The following SPAG16 variants were observed in gnomAD, a reference collection of about 807,000 sequenced individuals.
SPAG16 encodes sperm associated antigen 16, also known as sperm-associated antigen 16 protein.
A neutral mutation model predicts 80.4 loss-of-function variants in SPAG16; 86 were observed. That is an observed-to-expected ratio of 1.07 (90% CI 0.90 to 1.28). The LOEUF is 1.28. Ranked by LOEUF, SPAG16 falls within the 50% of genes most tolerant of loss-of-function variation. The pLI is 0.00. For missense variants in SPAG16, 870 were observed against 765.3 expected (o/e 1.14, Z -1.61); for synonymous variants, 294 against 265.9 (o/e 1.11, Z -1.03).
intron 15 of SPAG16, among the ~76,000 whole-genome samples, chr2:214,409,923 G>A (rs1702205401): frequency 1.3e-5 from 2 of 152,116 alleles, no homozygotes; most frequent in Non-Finnish European, 2.9e-5. Context: ...TAGGCTCTAT[G>A]TCCCAATTAG....
At chr2:214,115,169 A>T (rs974233611) in intron 14 of SPAG16, among the ~76,000 whole-genome samples, 1 of 152,186 alleles carries the variant, frequency 6.6e-6, no homozygotes, top group African/African-American at 2.4e-5. Context: ...TTGTTTTAAC[A>T]ATTATGTTTT....
At chr2:213,459,932 T>C (rs2072263231) in intron 9 of SPAG16, among the ~76,000 whole-genome samples, 1 of 152,246 alleles carries the variant, frequency 6.6e-6, no homozygotes, top group Admixed American at 6.5e-5. Flanking sequence ...TACATTTCTG[T>C]AATTGTGTGT....
chr2:214,098,171 A>G (rs1199279501), intron 13 of SPAG16, among the ~76,000 whole-genome samples: 1 of 152,154 alleles, frequency 6.6e-6, no homozygotes, highest in African/African-American at 2.4e-5. Context: ...CAATATAGGT[A>G]CAATACAATA....
intron 10 of SPAG16, among the ~76,000 whole-genome samples, chr2:213,802,104 A>C (rs549914520): frequency 6.6e-6 from 1 of 150,858 alleles, no homozygotes; most frequent in East Asian, 1.9e-4. Context: ...TGTTACAAGG[A>C]AAAGCTTGAG....
intron 10 of SPAG16, among the ~76,000 whole-genome samples, chr2:213,730,378 G>A (rs1820572): frequency 0.024 from 3,681 of 152,266 alleles, 149 homozygotes; most frequent in African/African-American, 0.083. Flanking sequence ...TTTACCATAA[G>A]AGCAGCTGAT....
intron 3 of SPAG16, among the ~76,000 whole-genome samples, chr2:213,305,291 G>A (rs1005900251): frequency 3.3e-5 from 5 of 151,952 alleles, no homozygotes; most frequent in African/African-American, 1.2e-4. Context: ...TAACATCATA[G>A]CATTTGCAAA....
At chr2:214,054,024 C>T (rs1243408660) in intron 13 of SPAG16, among the ~76,000 whole-genome samples, 1 of 152,030 alleles carries the variant, frequency 6.6e-6, no homozygotes, top group Non-Finnish European at 1.5e-5. Flanking sequence ...CGGAGTCTCC[C>T]TCTTGTTGCC....
intron 13 of SPAG16, among the ~76,000 whole-genome samples, chr2:214,085,523 C>T (rs184139990): frequency 2.6e-5 from 4 of 152,208 alleles, no homozygotes; most frequent in African/African-American, 4.8e-5. Context: ...GAGAAAAATA[C>T]AAAACTTTGA....
intron 12 of SPAG16, among the ~76,000 whole-genome samples, chr2:214,013,007 G>T (rs78263732): frequency 0.024 from 3,694 of 152,252 alleles, 150 homozygotes; most frequent in African/African-American, 0.085. Flanking sequence ...CCAAGTGACA[G>T]TGATACTGCT....
intron 13 of SPAG16, among the ~76,000 whole-genome samples, chr2:214,074,118 G>T (rs2050943739): frequency 6.6e-6 from 1 of 152,134 alleles, no homozygotes; most frequent in Non-Finnish European, 1.5e-5. Flanking sequence ...TCTCTGCTAT[G>T]TGAGAATAAA....
At chr2:213,380,420 G>T (rs865909378) in intron 9 of SPAG16, among the ~76,000 whole-genome samples, 1 of 152,196 alleles carries the variant, frequency 6.6e-6, no homozygotes, top group African/African-American at 2.4e-5. Flanking sequence ...GAGACAGAAG[G>T]CAGGGTGACA....
intron 10 of SPAG16, among the ~76,000 whole-genome samples, chr2:213,628,385 C>G (rs1213842122): frequency 6.6e-6 from 1 of 152,202 alleles, no homozygotes; most frequent in African/African-American, 2.4e-5. Flanking sequence ...ACTAAAATTA[C>G]AGCTGGTCCT....
chr2:213,942,983 C>G (rs1054922237), intron 12 of SPAG16, among the ~76,000 whole-genome samples: 1 of 152,058 alleles, frequency 6.6e-6, no homozygotes, highest in Non-Finnish European at 1.5e-5. Flanking sequence ...GACAAGAGAC[C>G]TTACTTTCTT....
intron 15 of SPAG16, among the ~76,000 whole-genome samples, chr2:214,190,189 C>T (rs2057617009): frequency 6.6e-6 from 1 of 152,078 alleles, no homozygotes. Flanking sequence ...GTGTCTGCCT[C>T]AATACTGGTA....
At chr2:214,295,160 A>G (rs1694046726) in intron 15 of SPAG16, among the ~76,000 whole-genome samples, 1 of 152,088 alleles carries the variant, frequency 6.6e-6, no homozygotes, top group African/African-American at 2.4e-5. Context: ...TGATACCAGA[A>G]TCTCTGCTCT....
intron 12 of SPAG16, among the ~76,000 whole-genome samples, chr2:213,986,474 G>T (rs994706699): frequency 6.6e-6 from 1 of 151,762 alleles, no homozygotes; most frequent in African/African-American, 2.4e-5. Flanking sequence ...TTATGTTTAT[G>T]TTTATACATT....
intron 10 of SPAG16, among the ~76,000 whole-genome samples, chr2:213,538,634 AC>A (rs369864822): frequency 9.9e-5 from 15 of 152,182 alleles, no homozygotes; most frequent in African/African-American, 3.6e-4. Context: ...TTCTGCCATC[AC>A]CCTAAGTATT....
chr2:213,451,640 A>G (rs2071696684), intron 9 of SPAG16, among the ~76,000 whole-genome samples: 1 of 152,182 alleles, frequency 6.6e-6, no homozygotes, highest in Admixed American at 6.5e-5. Context: ...TCTGTCACAG[A>G]GAGGGGTCCC....
At chr2:213,848,334 G>C (rs2074731614) in intron 10 of SPAG16, among the ~76,000 whole-genome samples, 1 of 152,180 alleles carries the variant, frequency 6.6e-6, no homozygotes, top group African/African-American at 2.4e-5. Flanking sequence ...AAGATGCAGA[G>C]ATAACTGCAT....
Sources: gnomAD v4.1 joint callset for allele counts (sites outside exome capture counted in the v4.1 genomes callset) on GRCh38, gnomAD v4.1.1 for gene constraint, MANE v1.5 for transcripts, NCBI Gene and HGNC (gene_info 2026-07-23, HGNC 2026-07-21) for gene names.